PPM1E: variants seen among roughly 807,000 people sequenced by gnomAD.
PPM1E encodes the protein protein phosphatase, Mg2+/Mn2+ dependent 1E.
A neutral mutation model predicts 65.9 loss-of-function variants in PPM1E; 20 were observed. The ratio of observed to expected loss-of-function variants is 0.30; its 90% CI spans 0.21 to 0.44. PPM1E has a LOEUF of 0.44. Among genes scored for constraint, PPM1E ranks in the 20% least tolerant of loss-of-function variants. The probability of loss-of-function intolerance (pLI) is 1.00; values close to 1 mark genes in which losing one functional copy is unlikely to be tolerated. For synonymous variants in PPM1E, 352 were observed against 374.9 expected, an observed-to-expected ratio of 0.94 and a Z score of 0.70; for missense variants, 713 against 953.1, an observed-to-expected ratio of 0.75 and a Z score of 3.32.
chr17:58,829,360 A>G (rs994676678), intron 1 of PPM1E, among the ~76,000 whole-genome samples: 1 of 152,056 alleles, frequency 6.6e-6, no homozygotes, highest in African/African-American at 2.4e-5. Flanking sequence ...CGTTTTCTTT[A>G]TTGTATAACC....
intron 1 of PPM1E, among the ~76,000 whole-genome samples, chr17:58,870,537 AC>A (rs2051057722): frequency 6.6e-6 from 1 of 152,122 alleles, no homozygotes; most frequent in Admixed American, 6.5e-5. Context: ...GTCCATGTGT[AC>A]CGATGCTTAG....
chr17:58,919,800 G>GA (rs994975997), intron 1 of PPM1E, among the ~76,000 whole-genome samples: 4 of 150,224 alleles, frequency 2.7e-5, no homozygotes, highest in African/African-American at 7.3e-5. Context: ...AAGAAAAAAG[G>GA]AAAAAAAAAG....
chr17:58,965,063 A>AGTGTGTGTGTGTGT, intron 2 of PPM1E, among the ~76,000 whole-genome samples: 1 of 143,542 alleles, frequency 7.0e-6, no homozygotes, highest in East Asian at 2.0e-4. Context: ...AAAAAAAAAA[A>AGTGTGTGTGTGTGT]GTATATATAT....
intron 1 of PPM1E, among the ~76,000 whole-genome samples, chr17:58,950,676 A>G (rs2143630296): frequency 6.6e-6 from 1 of 151,664 alleles, no homozygotes; most frequent in Non-Finnish European, 1.5e-5. Context: ...TTCAAGTTCA[A>G]AAATTTTTTC....
chr17:58,793,143 A>G (rs1379039030), intron 1 of PPM1E, among the ~76,000 whole-genome samples: 1 of 151,612 alleles, frequency 6.6e-6, no homozygotes, highest in African/African-American at 2.4e-5. Context: ...TGACTCTCTA[A>G]TTCCTCTTGA....
In PPM1E at chr17:58,984,526, A is replaced by C. The variant is rs1337378328; in HGVS notation, c.*3495A>C. On this transcript the variant is annotated 3_prime_UTR_variant, in exon 7 of 7. Coordinates refer to ENST00000308249, the MANE Select transcript of PPM1E (RefSeq NM_014906.5). ...GCAAGGCTATAAAAGGGAATACTACAGTTTTGTCCACACTTTAATTTGAGA... is the reference window on the plus strand; with the variant it reads ...GCAAGGCTATAAAAGGGAATACTACCGTTTTGTCCACACTTTAATTTGAGA... 2.0e-5 allele frequency: 3 copies of C among 152,564 alleles called. No homozygotes were observed. Among genetic ancestry groups the C allele is most frequent in the African/African-American group, 4.8e-5 (2 of 41,462 alleles). The allele number at this position is 152,564 out of a possible 1,614,324, so 9.5% of individuals were successfully genotyped here.
chr17:58,977,914 TG>T (rs1281212827), intron 6 of PPM1E, among the ~76,000 whole-genome samples: 1 of 152,158 alleles, frequency 6.6e-6, no homozygotes, highest in African/African-American at 2.4e-5. Flanking sequence ...GGCTAATTTT[TG>T]TATTTTTAGT....
intron 1 of PPM1E, among the ~76,000 whole-genome samples, chr17:58,935,039 T>A (rs1204425667): frequency 6.6e-6 from 1 of 150,840 alleles, no homozygotes; most frequent in East Asian, 1.9e-4. Context: ...GATCACAAGG[T>A]CAGGAGTTCA....
chr17:58,969,797 AG>A, intron 4 of PPM1E, 70 bp downstream of exon 4: 1 of 1,405,846 alleles, frequency 7.1e-7, no homozygotes. Context: ...GTGTGGTTAA[AG>A]GGCTATTTAG....
At chr17:58,769,428 C>T (rs980249846) in intron 1 of PPM1E, among the ~76,000 whole-genome samples, 7 of 152,060 alleles carry the variant, frequency 4.6e-5, no homozygotes, top group Non-Finnish European at 1.0e-4. Context: ...AACCCTGTCT[C>T]TACCAAAAAA....
At chr17:58,893,271 A>G (rs2051370441) in intron 1 of PPM1E, among the ~76,000 whole-genome samples, 1 of 152,248 alleles carries the variant, frequency 6.6e-6, no homozygotes. Context: ...AATATTATTT[A>G]GCACTGAAAA....
At chr17:58,926,336 T>TAAA (rs61085833) in intron 1 of PPM1E, among the ~76,000 whole-genome samples, 1 of 136,782 alleles carries the variant, frequency 7.3e-6, no homozygotes, top group Non-Finnish European at 1.6e-5. Context: ...TTGTCTAAAT[T>TAAA]AAAAAAAAAA....
At chr17:58,962,451 C>T (rs935982442) in intron 2 of PPM1E, among the ~76,000 whole-genome samples, 5 of 152,162 alleles carry the variant, frequency 3.3e-5, no homozygotes, top group Non-Finnish European at 7.3e-5. Flanking sequence ...TCACCCTACT[C>T]CATTCTCCCT....
At chr17:58,924,926 C>T (rs1475689169) in intron 1 of PPM1E, among the ~76,000 whole-genome samples, 1 of 152,152 alleles carries the variant, frequency 6.6e-6, no homozygotes, top group Non-Finnish European at 1.5e-5. Flanking sequence ...TTTATGGTTG[C>T]ATAGTATTCC....
chr17:58,764,042 A>G (rs957817870), intron 1 of PPM1E, among the ~76,000 whole-genome samples: 1 of 152,112 alleles, frequency 6.6e-6, no homozygotes, highest in African/African-American at 2.4e-5. Flanking sequence ...ATTTAGTTAA[A>G]AAAACTTATT....
chr17:58,757,479 G>A (rs1299330937), intron 1 of PPM1E, among the ~76,000 whole-genome samples: 1 of 152,134 alleles, frequency 6.6e-6, no homozygotes, highest in African/African-American at 2.4e-5. Flanking sequence ...TGAAAACATT[G>A]GTAAACCTGG....
intron 2 of PPM1E, among the ~76,000 whole-genome samples, chr17:58,956,999 C>G (rs1422669162): frequency 6.6e-6 from 1 of 152,182 alleles, no homozygotes; most frequent in East Asian, 1.9e-4. Flanking sequence ...TCACCTAGAA[C>G]CAAATTGTTC....
intron 2 of PPM1E, among the ~76,000 whole-genome samples, chr17:58,965,346 C>T (rs2143673150): frequency 6.6e-6 from 1 of 152,096 alleles, no homozygotes; most frequent in Middle Eastern, 3.4e-3. Context: ...TGGTGATAAC[C>T]ATACCAGACA....
chr17:58,762,709 A>G (rs1001145216), intron 1 of PPM1E, among the ~76,000 whole-genome samples: 1 of 152,060 alleles, frequency 6.6e-6, no homozygotes, highest in Non-Finnish European at 1.5e-5. Context: ...CATCCCGGCT[A>G]AAACGGTGAA....
Sources: allele counts gnomAD v4.1 joint callset (sites outside exome capture counted in the v4.1 genomes callset), GRCh38; gene constraint gnomAD v4.1.1; transcripts MANE v1.5; gene names NCBI Gene and HGNC (gene_info 2026-07-23, HGNC 2026-07-21).